DPP10: variants seen among roughly 807,000 people sequenced by gnomAD.
DPP10 encodes the protein dipeptidyl peptidase like 10.
DPP10 carries 33 observed loss-of-function variants against 120.9 expected under a neutral mutation model. The ratio of observed to expected loss-of-function variants is 0.27; its 90% CI spans 0.21 to 0.37. DPP10 has a LOEUF of 0.37. Ranked by LOEUF, DPP10 falls within the 10% of genes least tolerant of loss-of-function variation. The pLI is 1.00. For synonymous variants in DPP10, 337 were observed against 326.1 expected (o/e 1.03, Z -0.36); for missense variants, 816 against 942.8 (o/e 0.87, Z 1.76).
At chr2:114,873,701 T>A in intron 1 of DPP10, among the ~76,000 whole-genome samples, 1 of 32,864 alleles carries the variant, frequency 3.0e-5, no homozygotes, top group Non-Finnish European at 6.6e-5. Flanking sequence ...CTTAACAACA[T>A]TTTGCAGGAT....
intron 1 of DPP10, among the ~76,000 whole-genome samples, chr2:114,608,688 T>G (rs1443557127): frequency 6.6e-6 from 1 of 151,660 alleles, no homozygotes; most frequent in Non-Finnish European, 1.5e-5. Context: ...ATATACACCA[T>G]GGACTGCTAC....
chr2:115,257,576 A>G (rs1391443670), intron 1 of DPP10, among the ~76,000 whole-genome samples: 1 of 152,182 alleles, frequency 6.6e-6, no homozygotes, highest in Non-Finnish European at 1.5e-5. Context: ...CTTATGTCCC[A>G]GAAACCACCC....
At chr2:114,956,985 T>TA (rs1698256524) in intron 1 of DPP10, among the ~76,000 whole-genome samples, 14 of 72,584 alleles carry the variant, frequency 1.9e-4, no homozygotes, top group African/African-American at 4.0e-4. Context: ...CTAAAACTAT[T>TA]CAAAAAAAAA....
intron 1 of DPP10, among the ~76,000 whole-genome samples, chr2:114,975,042 C>CT (rs757024790): frequency 1.7e-3 from 246 of 141,116 alleles, no homozygotes; most frequent in African/African-American, 2.6e-3. Flanking sequence ...GAAGGATTTG[C>CT]TTTTTTTTTT....
At chr2:114,719,923 C>A (rs1470932772) in intron 1 of DPP10, among the ~76,000 whole-genome samples, 1 of 152,188 alleles carries the variant, frequency 6.6e-6, no homozygotes, top group Non-Finnish European at 1.5e-5. Flanking sequence ...ATTGGGCCTG[C>A]AGAGCAGACA....
intron 1 of DPP10, among the ~76,000 whole-genome samples, chr2:114,925,005 T>A (rs530877451): frequency 2.9e-3 from 432 of 151,038 alleles, no homozygotes; most frequent in South Asian, 8.0e-3. Flanking sequence ...AGGTCAGGAG[T>A]TTGAGACCAG....
Position 115,072,321 on chromosome 2 carries a change from CT to C in DPP10, c.61-236912del, listed in dbSNP as rs1465210159. 2.6e-5 allele frequency among the ~76,000 whole-genome samples: 4 copies of C among 152,242 alleles called. No homozygotes were observed. In the East Asian group the frequency reaches 7.7e-4, roughly 29 times the overall value. ...GTTTTACAGTTTAGCATAGATATGT[CT>C]TTTTTCTTAAAAGAAACAATCTTGG... On this transcript the variant is annotated intron_variant, in intron 1 of 25. Coordinates refer to ENST00000410059, the MANE Select transcript of DPP10 (RefSeq NM_020868.6).
chr2:114,822,634 G>C (rs769522788), intron 1 of DPP10, among the ~76,000 whole-genome samples: 2 of 151,652 alleles, frequency 1.3e-5, no homozygotes, highest in Non-Finnish European at 2.9e-5. Flanking sequence ...AATGCTTTAA[G>C]TTCTAGGGTA....
At chr2:114,740,909 G>A (rs1401872634) in intron 1 of DPP10, among the ~76,000 whole-genome samples, 9 of 152,138 alleles carry the variant, frequency 5.9e-5, no homozygotes, top group Non-Finnish European at 8.8e-5. Context: ...CCATAGTTTA[G>A]AGTAATTTTG....
At chr2:114,472,000 C>T (rs1444508908) in intron 1 of DPP10, among the ~76,000 whole-genome samples, 2 of 152,276 alleles carry the variant, frequency 1.3e-5, no homozygotes, top group South Asian at 2.1e-4. Context: ...CAGTAAACTT[C>T]GATTTCACTC....
intron 3 of DPP10, among the ~76,000 whole-genome samples, chr2:115,372,813 T>C (rs1253094067): frequency 6.6e-6 from 1 of 152,214 alleles, no homozygotes. Context: ...AGTGCAGTTA[T>C]TCCTGGCAGG....
At chr2:115,213,311 A>G (rs775648937) in intron 1 of DPP10, among the ~76,000 whole-genome samples, 3 of 152,090 alleles carry the variant, frequency 2.0e-5, no homozygotes, top group Non-Finnish European at 4.4e-5. Context: ...AAAAACTGGG[A>G]TTGTAAATGC....
chr2:115,684,120 A>C (rs1267882702), intron 5 of DPP10, among the ~76,000 whole-genome samples: 4 of 151,964 alleles, frequency 2.6e-5, no homozygotes, highest in Non-Finnish European at 5.9e-5. Context: ...AGTTTAAAAT[A>C]CTAATAAATA....
chr2:115,376,922 G>C (rs1278396599), intron 3 of DPP10, among the ~76,000 whole-genome samples: 1 of 147,436 alleles, frequency 6.8e-6, no homozygotes, highest in East Asian at 2.0e-4. Context: ...TGGTGTATAT[G>C]TGCCACATTT....
chr2:115,101,153 T>A (rs933991231), intron 1 of DPP10, among the ~76,000 whole-genome samples: 6 of 152,042 alleles, frequency 3.9e-5, no homozygotes, highest in Admixed American at 3.9e-4. Context: ...TGACATGGAG[T>A]CTGGGCTACC....
At chr2:115,805,095 G>A (rs1306317118) in intron 19 of DPP10, among the ~76,000 whole-genome samples, 1 of 152,194 alleles carries the variant, frequency 6.6e-6, no homozygotes, top group African/African-American at 2.4e-5. Context: ...GGAGCTTCTG[G>A]GCTGCTTTGT....
intron 4 of DPP10, among the ~76,000 whole-genome samples, chr2:115,523,464 C>T (rs915731707): frequency 5.3e-5 from 8 of 149,686 alleles, no homozygotes; most frequent in African/African-American, 2.0e-4. Context: ...TGAAAAGAGG[C>T]CCTCCTGGAT....
chr2:115,569,848 T>C (rs1251159575), intron 5 of DPP10, among the ~76,000 whole-genome samples: 2 of 152,222 alleles, frequency 1.3e-5, no homozygotes, highest in Non-Finnish European at 2.9e-5. Context: ...AGAATTAATT[T>C]TATTACAAAT....
intron 1 of DPP10, among the ~76,000 whole-genome samples, chr2:115,221,916 A>G (rs2057191844): frequency 6.6e-6 from 1 of 152,200 alleles, no homozygotes; most frequent in East Asian, 1.9e-4. Context: ...TGAACTGTTC[A>G]TTTGGAGCTA....
Sources: allele counts gnomAD v4.1 joint callset (sites outside exome capture counted in the v4.1 genomes callset), GRCh38; gene constraint gnomAD v4.1.1; transcripts MANE v1.5; gene names NCBI Gene and HGNC (gene_info 2026-07-23, HGNC 2026-07-21).